MSRA: variants seen among roughly 807,000 people sequenced by gnomAD.
MSRA encodes the protein mitochondrial peptide methionine sulfoxide reductase.
MSRA carries 54 observed loss-of-function variants against 31.3 expected under a neutral mutation model. The ratio of observed to expected loss-of-function variants is 1.73; its 90% CI spans 1.39 to 2.17. The LOEUF (loss-of-function observed/expected upper bound fraction) is 2.17. Ranked by LOEUF, MSRA falls within the 30% of genes most tolerant of loss-of-function variation. The probability of loss-of-function intolerance (pLI) is 0.00; values close to 1 mark genes in which losing one functional copy is unlikely to be tolerated. For synonymous variants in MSRA, 169 were observed against 116.5 expected (o/e 1.45, Z -2.90); for missense variants, 507 against 300.9 (o/e 1.69, Z -5.07).
chr8:10,128,755 C>G (rs530940946), intron 1 of MSRA, among the ~76,000 whole-genome samples: 1 of 152,208 alleles, frequency 6.6e-6, no homozygotes, highest in Non-Finnish European at 1.5e-5. Context: ...AACTTCTTTT[C>G]TATTCAACTC....
At chr8:10,142,250 G>T (rs1585018706) in intron 1 of MSRA, among the ~76,000 whole-genome samples, 1 of 152,160 alleles carries the variant, frequency 6.6e-6, no homozygotes, top group Non-Finnish European at 1.5e-5. Flanking sequence ...GAGCCACCGT[G>T]CCTGGCCCTT....
At chr8:10,346,302 A>C (rs371160359) in intron 5 of MSRA, among the ~76,000 whole-genome samples, 1 of 152,166 alleles carries the variant, frequency 6.6e-6, no homozygotes, top group Non-Finnish European at 1.5e-5. Context: ...TGTGTGGATG[A>C]CTTTGCGCTC....
At chr8:10,125,575 C>T (rs1452633431) in intron 1 of MSRA, among the ~76,000 whole-genome samples, 2 of 152,276 alleles carry the variant, frequency 1.3e-5, no homozygotes, top group South Asian at 2.1e-4. Context: ...GGGCCAGGCT[C>T]CTGAACCGGG....
intron 1 of MSRA, among the ~76,000 whole-genome samples, chr8:10,203,506 C>T (rs923265625): frequency 2.0e-5 from 3 of 152,172 alleles, no homozygotes; most frequent in Non-Finnish European, 4.4e-5. Flanking sequence ...ATTTTTATCA[C>T]CTAGTGACAT....
In MSRA at chr8:10,428,311, A is replaced by T; in HGVS notation, c.707A>T (p.Ter236LeuextTer24). The T allele has an allele frequency of 6.2e-7, 1 of 1,612,130 alleles. No individual in the cohort carries two copies. Among genetic ancestry groups the T allele is most frequent in the Non-Finnish European group, 8.5e-7 (1 of 1,179,686 alleles). Residue 236 changes from the stop codon to leucine, a stop_lost, in exon 6 of 6, where the codon TAA becomes TTA. Transcript: ENST00000317173. ...GVSCPVGIKK[*>L] ...TCCTGCCCAGTGGGTATTAAAAAAT[A>T]ATTTCTCCCCACATGGTGGGCCTTT...
intron 5 of MSRA, among the ~76,000 whole-genome samples, chr8:10,368,521 C>T (rs979800540): frequency 2.0e-5 from 3 of 152,182 alleles, no homozygotes; most frequent in Non-Finnish European, 2.9e-5. Flanking sequence ...GGCCGGGAGG[C>T]GACTCATGGC....
chr8:10,299,483 C>G (rs931882341), intron 3 of MSRA, among the ~76,000 whole-genome samples: 2 of 152,122 alleles, frequency 1.3e-5, no homozygotes, highest in Admixed American at 6.5e-5. Flanking sequence ...TATCTTTTAG[C>G]ATAAAATCTG....
chr8:10,158,884 G>T (rs1021530144), intron 1 of MSRA, among the ~76,000 whole-genome samples: 1 of 152,140 alleles, frequency 6.6e-6, no homozygotes, highest in East Asian at 1.9e-4. Flanking sequence ...CCTCTCCAAC[G>T]CTTGCTGTTG....
At chr8:10,278,830 G>A (rs13276526) in intron 3 of MSRA, among the ~76,000 whole-genome samples, 43,457 of 152,014 alleles carry the variant, frequency 0.29, 6,388 homozygotes, top group East Asian at 0.33. Flanking sequence ...AAGGACCTGG[G>A]CATCTCTACA....
intron 1 of MSRA, among the ~76,000 whole-genome samples, chr8:10,159,876 C>T (rs768937181): frequency 2.6e-4 from 40 of 152,276 alleles, no homozygotes; most frequent in Admixed American, 7.9e-4. Context: ...TTTTGAGATA[C>T]ATGCCTAATT....
At chr8:10,277,735 G>A (rs1293062248) in intron 3 of MSRA, among the ~76,000 whole-genome samples, 1 of 152,004 alleles carries the variant, frequency 6.6e-6, no homozygotes, top group Non-Finnish European at 1.5e-5. Context: ...CGGTTCTTTG[G>A]CTACTTATTA....
intron 5 of MSRA, among the ~76,000 whole-genome samples, chr8:10,366,003 G>T (rs995526766): frequency 2.0e-5 from 3 of 152,330 alleles, no homozygotes; most frequent in Admixed American, 2.0e-4. Flanking sequence ...AGCCTTGCCT[G>T]CCTCATTCCC....
intron 5 of MSRA, among the ~76,000 whole-genome samples, chr8:10,396,357 A>G (rs1807098758): frequency 6.6e-6 from 1 of 152,216 alleles, no homozygotes; most frequent in East Asian, 1.9e-4. Context: ...TAACATTTTA[A>G]TAACGTCTCA....
chr8:10,153,647 G>A (rs1242661834), intron 1 of MSRA, among the ~76,000 whole-genome samples: 2 of 152,164 alleles, frequency 1.3e-5, no homozygotes, highest in African/African-American at 2.4e-5. Flanking sequence ...AGCAGTGGTA[G>A]CACAGGTGAG....
intron 5 of MSRA, among the ~76,000 whole-genome samples, chr8:10,335,123 G>C (rs1563363915): frequency 6.6e-6 from 1 of 152,224 alleles, no homozygotes; most frequent in African/African-American, 2.4e-5. Context: ...CCACCCAGCT[G>C]TCCAGAAACG....
chr8:10,106,383 T>C (rs1799884267), intron 1 of MSRA, among the ~76,000 whole-genome samples: 1 of 152,232 alleles, frequency 6.6e-6, no homozygotes, highest in Non-Finnish European at 1.5e-5. Context: ...ACTTACTGAA[T>C]TCTTACCTGG....
At chr8:10,265,155 A>T (rs1459543744) in intron 3 of MSRA, among the ~76,000 whole-genome samples, 2 of 152,224 alleles carry the variant, frequency 1.3e-5, no homozygotes. Context: ...GGAAGAGGCC[A>T]GTCCATATTC....
chr8:10,152,431 G>C (rs1209171267), intron 1 of MSRA, among the ~76,000 whole-genome samples: 2 of 152,110 alleles, frequency 1.3e-5, no homozygotes, highest in East Asian at 3.9e-4. Context: ...TTTGCCCATT[G>C]TTTGTGTCCT....
At chr8:10,329,443 C>G (rs1378709138) in intron 5 of MSRA, among the ~76,000 whole-genome samples, 3 of 152,222 alleles carry the variant, frequency 2.0e-5, no homozygotes, top group Non-Finnish European at 4.4e-5. Context: ...CGTCCTGCAT[C>G]TCTCTAATAA....
Sources: allele counts gnomAD v4.1 joint callset (sites outside exome capture counted in the v4.1 genomes callset), GRCh38; gene constraint gnomAD v4.1.1; transcripts MANE v1.5; gene names NCBI Gene and HGNC (gene_info 2026-07-23, HGNC 2026-07-21).